The following GNA12 variants were observed in gnomAD, a reference collection of about 807,000 sequenced individuals.
GNA12 encodes G protein subunit alpha 12.
In GNA12, 9 loss-of-function variants were observed where a neutral mutation model predicts 26.0. The ratio of observed to expected loss-of-function variants is 0.35; its 90% CI spans 0.21 to 0.60. The LOEUF is 0.60. Among genes scored for constraint, GNA12 ranks in the 20% least tolerant of loss-of-function variants. The pLI is 0.78. For missense variants in GNA12, 405 were observed against 525.8 expected (o/e 0.77, Z 2.25); for synonymous variants, 264 against 219.6 (o/e 1.20, Z -1.79).
intron 1 of GNA12, among the ~76,000 whole-genome samples, chr7:2,815,427 A>C (rs1319312018): frequency 6.6e-6 from 1 of 152,210 alleles, no homozygotes; most frequent in African/African-American, 2.4e-5. Flanking sequence ...GGGAGGCTGG[A>C]GCGTGTAGGA....
At chr7:2,747,062 G>A (rs1034235770) in intron 2 of GNA12, among the ~76,000 whole-genome samples, 2 of 152,178 alleles carry the variant, frequency 1.3e-5, no homozygotes, top group Non-Finnish European at 1.5e-5. Context: ...AGGAGCAGAT[G>A]GATTCAACAG....
At chr7:2,787,176 G>A (rs1459865570) in intron 2 of GNA12, among the ~76,000 whole-genome samples, 1 of 152,136 alleles carries the variant, frequency 6.6e-6, no homozygotes, top group African/African-American at 2.4e-5. Context: ...TGAGCAATAG[G>A]CGAGGTGGCC....
At chr7:2,738,657 T>A (rs1790336093) in intron 2 of GNA12, among the ~76,000 whole-genome samples, 1 of 151,892 alleles carries the variant, frequency 6.6e-6, no homozygotes, top group African/African-American at 2.4e-5. Context: ...GAGACAGGAG[T>A]AGCCCTCTCT....
chr7:2,746,612 G>GAAA (rs1790774535), intron 2 of GNA12, among the ~76,000 whole-genome samples: 1 of 152,074 alleles, frequency 6.6e-6, no homozygotes, highest in East Asian at 1.9e-4. Flanking sequence ...AAAAGAACTA[G>GAAA]AAAAGCAAGA....
intron 1 of GNA12, among the ~76,000 whole-genome samples, chr7:2,820,194 C>G (rs1168055234): frequency 6.6e-6 from 1 of 152,104 alleles, no homozygotes; most frequent in African/African-American, 2.4e-5. Context: ...TCCACGGTGT[C>G]GAAAGTGGGC....
At chr7:2,752,629 A>C (rs76536643) in intron 2 of GNA12, among the ~76,000 whole-genome samples, 2,532 of 152,316 alleles carry the variant, frequency 0.017, 78 homozygotes, top group African/African-American at 0.059. Flanking sequence ...ACTACACAAA[A>C]ATCAAGTATA....
chr7:2,783,370 C>G (rs1042081400), intron 2 of GNA12, among the ~76,000 whole-genome samples: 3 of 152,128 alleles, frequency 2.0e-5, no homozygotes, highest in African/African-American at 7.2e-5. Context: ...GGAGCTGGCC[C>G]ATGGGTGGGA....
intron 1 of GNA12, among the ~76,000 whole-genome samples, chr7:2,808,580 G>C (rs1287650946): frequency 6.6e-6 from 1 of 152,222 alleles, no homozygotes; most frequent in Admixed American, 6.5e-5. Flanking sequence ...CTGCAGCTAG[G>C]GGAGATGCAC....
chr7:2,792,683 C>T (rs1036504391), intron 2 of GNA12, among the ~76,000 whole-genome samples: 17 of 152,234 alleles, frequency 1.1e-4, no homozygotes, highest in African/African-American at 4.1e-4. Flanking sequence ...CAGCCCTGCT[C>T]TTTAGGAGAT....
At chr7:2,745,639 A>C (rs1441065786) in intron 2 of GNA12, among the ~76,000 whole-genome samples, 1 of 152,244 alleles carries the variant, frequency 6.6e-6, no homozygotes, top group Non-Finnish European at 1.5e-5. Context: ...AGCTGACATC[A>C]TAATGACAGG....
chr7:2,778,452 C>G (rs1293290290), intron 2 of GNA12, among the ~76,000 whole-genome samples: 2 of 152,186 alleles, frequency 1.3e-5, no homozygotes, highest in East Asian at 3.8e-4. Context: ...AAGTTAAAGT[C>G]TGATTTCTTC....
intron 2 of GNA12, among the ~76,000 whole-genome samples, chr7:2,784,460 G>C (rs1383497307): frequency 6.6e-6 from 1 of 152,118 alleles, no homozygotes; most frequent in African/African-American, 2.4e-5. Flanking sequence ...TAAATTCCTG[G>C]GACGATGAAT....
chr7:2,794,261 TGA>T, intron 2 of GNA12, among the ~76,000 whole-genome samples: 1 of 152,112 alleles, frequency 6.6e-6, no homozygotes, highest in Admixed American at 6.5e-5. Flanking sequence ...GCTGTGAGAG[TGA>T]GAGGCATTTC....
chr7:2,812,401 G>C (rs1027431424), intron 1 of GNA12, among the ~76,000 whole-genome samples: 2 of 152,148 alleles, frequency 1.3e-5, no homozygotes, highest in African/African-American at 4.8e-5. Flanking sequence ...AGGCTGAGGC[G>C]GGCGGACCAC....
intron 2 of GNA12, among the ~76,000 whole-genome samples, chr7:2,774,601 A>C (rs1441972452): frequency 6.6e-6 from 1 of 152,184 alleles, no homozygotes; most frequent in East Asian, 1.9e-4. Flanking sequence ...CCAGGTTGCT[A>C]ATGTGTCGAA....
At chr7:2,840,966 G>C (rs1778973638) in intron 1 of GNA12, among the ~76,000 whole-genome samples, 2 of 152,354 alleles carry the variant, frequency 1.3e-5, no homozygotes, top group Non-Finnish European at 2.9e-5. Context: ...TAAATTGAAA[G>C]ATGAATTTCT....
At chr7:2,804,007 G>A (rs1792880588) in intron 1 of GNA12, among the ~76,000 whole-genome samples, 1 of 152,188 alleles carries the variant, frequency 6.6e-6, no homozygotes, top group South Asian at 2.1e-4. Flanking sequence ...TCTTCCAGGG[G>A]TCAGGATAAG....
chr7:2,732,500 C>T (rs926976096), intron 3 of GNA12, among the ~76,000 whole-genome samples: 8 of 152,118 alleles, frequency 5.3e-5, no homozygotes, highest in Admixed American at 2.0e-4. Context: ...GAGTTACGAT[C>T]GTGCCACTGT....
chr7:2,799,317 C>T (rs928034767), intron 1 of GNA12, among the ~76,000 whole-genome samples: 2 of 152,186 alleles, frequency 1.3e-5, no homozygotes, highest in Non-Finnish European at 2.9e-5. Flanking sequence ...CAGTAGCTCA[C>T]GCCTGTAATC....
Sources: allele counts gnomAD v4.1 joint callset (sites outside exome capture counted in the v4.1 genomes callset), GRCh38; gene constraint gnomAD v4.1.1; transcripts MANE v1.5; gene names NCBI Gene and HGNC (gene_info 2026-07-23, HGNC 2026-07-21).